Variants in DROSHA observed in about 807,000 individuals in gnomAD.
DROSHA encodes ribonuclease 3.
In DROSHA, 56 loss-of-function variants were observed where a neutral mutation model predicts 181.9. The ratio of observed to expected loss-of-function variants is 0.31; its 90% CI spans 0.25 to 0.38. The LOEUF (loss-of-function observed/expected upper bound fraction) is 0.38, where lower values mean the gene tolerates loss of function less well. DROSHA is among the 10% of genes least tolerant of loss of function. The pLI is 1.00. For synonymous variants in DROSHA, 524 were observed against 591.2 expected, an observed-to-expected ratio of 0.89 and a Z score of 1.65; for missense variants, 1,218 against 1,743.5, an observed-to-expected ratio of 0.70 and a Z score of 5.37.
At chr5:31,448,470 TG>T in intron 23 of DROSHA, 76 bp downstream of exon 23, 1 of 1,327,842 alleles carries the variant, frequency 7.5e-7, no homozygotes, top group Non-Finnish European at 1.1e-6. Flanking sequence ...ACCACTGAAT[TG>T]TATGCTTTAA....
chr5:31,405,746 A>T, intron 34 of DROSHA, 23 bp from the exon 35 acceptor site: 5 of 1,410,144 alleles, frequency 3.5e-6, no homozygotes, highest in Non-Finnish European at 3.8e-6. Flanking sequence ...ATAAAGTAAG[A>T]CATACTTTAA....
chr5:31,433,436 T>G (rs919288117), intron 25 of DROSHA, among the ~76,000 whole-genome samples: 8 of 152,222 alleles, frequency 5.3e-5, no homozygotes, highest in Admixed American at 1.3e-4. Context: ...GCAAGCCATA[T>G]TTTATCTTAT....
rs943644249 is a variant in DROSHA at position 31,494,177 on chromosome 5, A to G, written c.1756-884T>C. 2.6e-5 allele frequency among the ~76,000 whole-genome samples: 4 copies of G among 152,218 alleles called. No homozygotes were observed. The South Asian group carries it at 6.2e-4, about 24-fold the overall frequency. ...GAGATGGGGTTCCACCATCCCTACT[A>G]GGCTGGTCTCAAACTCCTGACTTCA... On this transcript the variant is annotated intron_variant, in intron 12 of 35. Transcript: ENST00000344624.
intron 22 of DROSHA, 99 bp downstream of exon 22, chr5:31,449,180 GAA>G (rs1305917792): frequency 3.8e-5 from 55 of 1,442,906 alleles, no homozygotes; most frequent in Non-Finnish European, 5.1e-5. Context: ...ATGAGACGGT[GAA>G]AGAGTCACCC....
chr5:31,504,215 A>G (rs1174067410), intron 11 of DROSHA, among the ~76,000 whole-genome samples: 6 of 152,216 alleles, frequency 3.9e-5, no homozygotes. Flanking sequence ...CACTTTACTA[A>G]GAGCGTCGCT....
chr5:31,444,590 G>T (rs188154870), intron 23 of DROSHA, among the ~76,000 whole-genome samples: 5 of 152,292 alleles, frequency 3.3e-5, no homozygotes, highest in Admixed American at 3.3e-4. Flanking sequence ...AGACAAAGAT[G>T]ATTTAAACCC....
rs182474137 is a variant in DROSHA, at chr5:31,527,807, T to C, written c.21-895A>G. On this transcript the variant is annotated intron_variant, in intron 4 of 35. Coordinates refer to ENST00000344624, the MANE Select transcript of DROSHA (RefSeq NM_001382508.1). ...TTTACTGTTTAAGTTACCCAGTCTA[T>C]AGCATTTAGTCATGGCAGCCCAAGC... Among the ~76,000 whole-genome samples, 7 of 152,336 alleles carry C rather than the reference T, an allele frequency of 4.6e-5. No homozygotes were observed. The East Asian group carries it at 9.7e-4, about 21-fold the overall frequency.
Position 31,419,245 on chromosome 5 carries a change from T to TTCTTTG in DROSHA, c.3525+2021_3525+2026dup, listed in dbSNP as rs896461381. ...TCTGTTAGAATCTGCATTTAGCTTATTCTTTGTCTTTGTCTTGCCCGCAGA... is the reference window on the plus strand; with the variant it reads ...TCTGTTAGAATCTGCATTTAGCTTATTCTTTGTCTTTGTCTTTGTCTTGCCCGCAGA... On this transcript the variant is annotated intron_variant, in intron 30 of 35. Transcript: ENST00000344624. Among the ~76,000 whole-genome samples, 16 of 152,332 alleles carry TTCTTTG rather than the reference T, an allele frequency of 1.1e-4. No individual in the cohort carries two copies. In the South Asian group the frequency reaches 1.5e-3, roughly 14 times the overall value.
intron 11 of DROSHA, among the ~76,000 whole-genome samples, chr5:31,498,541 C>T (rs1254454774): frequency 3.3e-5 from 5 of 152,092 alleles, no homozygotes; most frequent in African/African-American, 9.7e-5. Context: ...GGTGGTGGAA[C>T]AGTATATGCA....
At chr5:31,515,697 A>G (rs1467106133) in intron 6 of DROSHA, 133 bp from the exon 7 acceptor site, 3 of 1,284,698 alleles carry the variant, frequency 2.3e-6, no homozygotes, top group Non-Finnish European at 3.2e-6. Flanking sequence ...TTCACAAAAC[A>G]GGGTCTCAAT....
At chr5:31,464,195 G>A in intron 20 of DROSHA, 41 bp downstream of exon 20, 1 of 1,577,538 alleles carries the variant, frequency 6.3e-7, no homozygotes, top group Non-Finnish European at 8.7e-7. Context: ...TTTAAAGGAA[G>A]AAAAGTATGG....
Position 31,515,580 on chromosome 5 carries a change from A to T in DROSHA, c.948-16T>A. The T allele has an allele frequency of 1.9e-6, 3 of 1,551,252 alleles. No homozygotes were observed. Among genetic ancestry groups the T allele is most frequent in the Non-Finnish European group, 2.6e-6 (3 of 1,146,812 alleles). On this transcript the variant is annotated splice_polypyrimidine_tract_variant and intron_variant, in intron 6 of 35. Coordinates refer to ENST00000344624, the MANE Select transcript of DROSHA (RefSeq NM_001382508.1). ...ACCGTAACTCCTAAAAGAAAAAGAT[A>T]TTTGCAAAATGTTTGGAAATGTCCA...
rs1449874728 is a variant in DROSHA at position 31,401,444 on chromosome 5, G to GTCT, written c.4110_4112dup (p.Glu1370dup). On this transcript the variant is annotated inframe_insertion, in exon 36 of 36. Coordinates refer to ENST00000344624, the MANE Select transcript of DROSHA (RefSeq NM_001382508.1). Reference sequence around the variant, plus strand: ...TGCATGCCCTCCTTTATTTCTTGATGTCTTCAGTCTCATCTGGCTCTCTCT... The same window carrying GTCT: ...TGCATGCCCTCCTTTATTTCTTGATGTCTTCTTCAGTCTCATCTGGCTCTCTCT... 3 of 1,612,916 alleles carry GTCT rather than the reference G, an allele frequency of 1.9e-6. No homozygotes were observed. The highest frequency in any genetic ancestry group is 2.2e-5 in the South Asian group (2 of 91,062).
intron 23 of DROSHA, among the ~76,000 whole-genome samples, chr5:31,441,424 T>C (rs1417512375): frequency 1.3e-5 from 2 of 152,052 alleles, no homozygotes; most frequent in African/African-American, 2.4e-5. Context: ...AAAAAAGTAG[T>C]AGGTCCTAAG....
intron 6 of DROSHA, among the ~76,000 whole-genome samples, chr5:31,518,848 A>G (rs1739557708): frequency 6.6e-6 from 1 of 152,240 alleles, no homozygotes. Flanking sequence ...TATTGCCAAG[A>G]AACACAGGCA....
chr5:31,458,527 A>G (rs770878436), intron 20 of DROSHA, among the ~76,000 whole-genome samples: 10 of 152,236 alleles, frequency 6.6e-5, no homozygotes, highest in South Asian at 2.1e-4. Flanking sequence ...CTGGGTCTAC[A>G]TAACGATCCA....
At chr5:31,525,883 T>C in intron 5 of DROSHA, among the ~76,000 whole-genome samples, 196 bp downstream of exon 5, 1 of 152,374 alleles carries the variant, frequency 6.6e-6, no homozygotes, top group East Asian at 1.9e-4. Flanking sequence ...GAATGCTTTT[T>C]AAAAGCAATT....
At chr5:31,424,360 GGC>G in intron 28 of DROSHA, 65 bp downstream of exon 28, 1 of 1,542,738 alleles carries the variant, frequency 6.5e-7, no homozygotes, top group Non-Finnish European at 8.8e-7. Context: ...AGGAAAAAAA[GGC>G]AAAGGAAAGT....
intron 16 of DROSHA, among the ~76,000 whole-genome samples, chr5:31,472,971 G>A (rs1749917398): frequency 6.6e-6 from 1 of 152,230 alleles, no homozygotes; most frequent in African/African-American, 2.4e-5. Context: ...GCATTAATGT[G>A]GGGTCCACAG....
Sources: gnomAD v4.1 joint callset for allele counts (sites outside exome capture counted in the v4.1 genomes callset) on GRCh38, gnomAD v4.1.1 for gene constraint, MANE v1.5 for transcripts, NCBI Gene and HGNC (gene_info 2026-07-23, HGNC 2026-07-21) for gene names.